NKAIN2: variants seen among roughly 807,000 people sequenced by gnomAD.
The protein encoded by NKAIN2 is sodium/potassium transporting ATPase interacting 2.
In NKAIN2, 14 loss-of-function variants were observed where a neutral mutation model predicts 32.6. The ratio of observed to expected loss-of-function variants is 0.43; its 90% confidence interval spans 0.28 to 0.67. NKAIN2 has a LOEUF of 0.67. Among genes scored for constraint, NKAIN2 ranks in the 30% least tolerant of loss-of-function variants. The pLI, the probability that NKAIN2 is intolerant of heterozygous loss-of-function variation, is 0.17. For missense variants in NKAIN2, 198 were observed against 258.3 expected (o/e 0.77, Z 1.60); for synonymous variants, 80 against 87.2 (o/e 0.92, Z 0.46).
At chr6:123,922,778 G>A (rs577250915) in intron 1 of NKAIN2, among the ~76,000 whole-genome samples, 25 of 152,220 alleles carry the variant, frequency 1.6e-4, no homozygotes, top group Middle Eastern at 3.4e-3. Context: ...ATAAGAGGTA[G>A]GAGGTAATTA....
At chr6:124,102,296 A>C (rs1784922501) in intron 1 of NKAIN2, among the ~76,000 whole-genome samples, 1 of 152,158 alleles carries the variant, frequency 6.6e-6, no homozygotes, top group Non-Finnish European at 1.5e-5. Context: ...GGCCTAAACT[A>C]GGTGCTCACT....
intron 1 of NKAIN2, among the ~76,000 whole-genome samples, chr6:123,952,714 A>G (rs1443586563): frequency 4.0e-5 from 6 of 151,690 alleles, no homozygotes; most frequent in African/African-American, 1.5e-4. Context: ...TATTTACTGA[A>G]TTTTTCAGTT....
At chr6:123,910,468 A>G (rs1441872635) in intron 1 of NKAIN2, among the ~76,000 whole-genome samples, 5 of 130,718 alleles carry the variant, frequency 3.8e-5, no homozygotes, top group Non-Finnish European at 8.2e-5. Context: ...ATAAACTAAC[A>G]TTTGTTTTGA....
intron 4 of NKAIN2, among the ~76,000 whole-genome samples, chr6:124,662,707 A>G (rs753534090): frequency 5.9e-5 from 9 of 152,218 alleles, no homozygotes; most frequent in Non-Finnish European, 8.8e-5. Context: ...TCTTTATCCA[A>G]GTGGACTTGA....
At chr6:124,334,408 G>C (rs928623067) in intron 2 of NKAIN2, among the ~76,000 whole-genome samples, 5 of 152,152 alleles carry the variant, frequency 3.3e-5, no homozygotes, top group African/African-American at 1.2e-4. Flanking sequence ...CTGGAGTTTT[G>C]TTATTACTCA....
At chr6:124,791,427 T>C (rs767125195) in intron 5 of NKAIN2, 28 bp downstream of exon 5, 3 of 1,516,136 alleles carry the variant, frequency 2.0e-6, no homozygotes, top group East Asian at 2.3e-5. Flanking sequence ...ATTCTGTTTC[T>C]TTCAAGTTCA....
At chr6:124,271,540 C>T (rs1794788279) in intron 1 of NKAIN2, among the ~76,000 whole-genome samples, 2 of 152,144 alleles carry the variant, frequency 1.3e-5, no homozygotes, top group South Asian at 4.1e-4. Context: ...TTACAAATTA[C>T]CCAGTCTCAG....
chr6:124,779,810 A>T (rs1779178017), intron 4 of NKAIN2, among the ~76,000 whole-genome samples: 1 of 151,654 alleles, frequency 6.6e-6, no homozygotes, highest in South Asian at 2.1e-4. Context: ...TCAACCATAG[A>T]CTCATGAGTG....
intron 3 of NKAIN2, among the ~76,000 whole-genome samples, chr6:124,629,556 G>A (rs892929740): frequency 2.0e-5 from 3 of 152,164 alleles, no homozygotes; most frequent in African/African-American, 4.8e-5. Flanking sequence ...GTCTCTTTAC[G>A]TTGAGGAAGA....
Position 124,471,767 on chromosome 6 carries a change from C to T in NKAIN2, c.273+116420C>T, listed in dbSNP as rs140673037. Among the ~76,000 whole-genome samples, 25 of 152,162 alleles carry T rather than the reference C, an allele frequency of 1.6e-4. No homozygotes were observed. In the East Asian group the frequency reaches 4.6e-3, roughly 28 times the overall value. ...TTAAGTACATTTAGACCTAGATAAA[C>T]TCATATGTATGTTTTCTATCATATT... On this transcript the variant is annotated intron_variant, in intron 3 of 6. Transcript: ENST00000368417.
chr6:124,702,483 C>A (rs2114572938), intron 4 of NKAIN2, among the ~76,000 whole-genome samples: 1 of 152,132 alleles, frequency 6.6e-6, no homozygotes, highest in Non-Finnish European at 1.5e-5. Flanking sequence ...ACACGGTTTT[C>A]ATTTTCTTTC....
intron 1 of NKAIN2, among the ~76,000 whole-genome samples, chr6:124,023,393 G>T (rs551923399): frequency 6.6e-6 from 1 of 151,888 alleles, no homozygotes; most frequent in African/African-American, 2.4e-5. Context: ...TTTTCATACA[G>T]CCTATTCTCT....
chr6:124,435,886 A>G (rs332622), intron 3 of NKAIN2, among the ~76,000 whole-genome samples: 46,177 of 152,102 alleles, frequency 0.3, 7,640 homozygotes, highest in African/African-American at 0.43. Flanking sequence ...TTGGAAATCT[A>G]TTCTTCAGAA....
At position 124,546,390 on chromosome 6, in the gene NKAIN2, A is replaced by T. The variant is rs759069205; in HGVS notation, c.274-111796A>T. Among the ~76,000 whole-genome samples, 15 of 152,134 alleles carry T rather than the reference A, an allele frequency of 9.9e-5. 1 individual carries two copies. Among genetic ancestry groups the T allele is most frequent in the Non-Finnish European group, 1.8e-4 (12 of 68,006 alleles). ...GAATAATTGCTCTTTATACGTCATC[A>T]AAAAGGACATGTCCTCAAAGTTAGT... On this transcript the variant is annotated intron_variant, in intron 3 of 6. Coordinates refer to ENST00000368417, the MANE Select transcript of NKAIN2 (RefSeq NM_001040214.3).
intron 5 of NKAIN2, among the ~76,000 whole-genome samples, chr6:124,801,848 T>C (rs1198660779): frequency 6.6e-6 from 1 of 152,208 alleles, no homozygotes; most frequent in Admixed American, 6.5e-5. Context: ...TATGTAGAAC[T>C]TAACAAAGAC....
chr6:124,465,508 A>T (rs1232890506), intron 3 of NKAIN2, among the ~76,000 whole-genome samples: 2 of 152,042 alleles, frequency 1.3e-5, no homozygotes, highest in African/African-American at 4.8e-5. Flanking sequence ...GAGGGACAGC[A>T]TTAGGAGAAA....
chr6:124,492,260 A>G (rs1458119338), intron 3 of NKAIN2, among the ~76,000 whole-genome samples: 1 of 152,074 alleles, frequency 6.6e-6, no homozygotes, highest in Non-Finnish European at 1.5e-5. Flanking sequence ...CTAAATATAG[A>G]AAATTTTGTG....
chr6:124,461,294 CGT>C (rs372456880), intron 3 of NKAIN2, among the ~76,000 whole-genome samples: 1 of 150,868 alleles, frequency 6.6e-6, no homozygotes. Flanking sequence ...TAATTGTGAC[CGT>C]GTGTGTGTGT....
intron 1 of NKAIN2, among the ~76,000 whole-genome samples, chr6:123,955,506 A>G (rs544923058): frequency 6.6e-6 from 1 of 152,096 alleles, no homozygotes; most frequent in Admixed American, 6.5e-5. Flanking sequence ...ACAATTAGGT[A>G]CAGAGTACTG....
Sources: allele counts gnomAD v4.1 joint callset (sites outside exome capture counted in the v4.1 genomes callset), GRCh38; gene constraint gnomAD v4.1.1; transcripts MANE v1.5; gene names NCBI Gene and HGNC (gene_info 2026-07-23, HGNC 2026-07-21).